DPYD: variants seen among roughly 807,000 people sequenced by gnomAD.
The protein encoded by DPYD is dihydropyrimidine dehydrogenase.
In DPYD, 109 loss-of-function variants were observed where a neutral mutation model predicts 116.2. The observed-to-expected ratio is 0.94, with a 90% CI of 0.80 to 1.10. The LOEUF is 1.10. DPYD is among the 50% of genes least tolerant of loss of function. The pLI is 0.00. For missense variants in DPYD, 1,302 were observed against 1,254.5 expected, an observed-to-expected ratio of 1.04 and a Z score of -0.57; for synonymous variants, 440 against 432.0, an observed-to-expected ratio of 1.02 and a Z score of -0.23.
chr1:97,655,081 A>T (rs925792202), intron 8 of DPYD, among the ~76,000 whole-genome samples: 3 of 152,216 alleles, frequency 2.0e-5, no homozygotes, highest in Non-Finnish European at 4.4e-5. Context: ...CTACAATTCA[A>T]GATGAGGTTT....
chr1:97,264,875 T>C (rs552440108), intron 18 of DPYD, among the ~76,000 whole-genome samples: 1 of 152,172 alleles, frequency 6.6e-6, no homozygotes. Flanking sequence ...AAAACCACTA[T>C]GACTTCGAGA....
rs867597493 is a variant in DPYD, at chr1:97,886,696, T to C, written c.40-3322A>G. Among the ~76,000 whole-genome samples, 7 of 152,032 alleles carry C rather than the reference T, an allele frequency of 4.6e-5. No homozygotes were observed. In the South Asian group the frequency reaches 6.2e-4, roughly 14 times the overall value. ...GGTCCCCCCAAAGGAACTGACTTTATTTGAACCTGTATGCAGGGAAGTTCA... is the reference window on the plus strand; with the variant it reads ...GGTCCCCCCAAAGGAACTGACTTTACTTGAACCTGTATGCAGGGAAGTTCA... On this transcript the variant is annotated intron_variant, in intron 1 of 22. Transcript: ENST00000370192.
At chr1:97,120,220 C>A (rs574801217) in intron 20 of DPYD, among the ~76,000 whole-genome samples, 2 of 152,294 alleles carry the variant, frequency 1.3e-5, no homozygotes, top group South Asian at 4.1e-4. Flanking sequence ...ACTGAAATAG[C>A]CTTGCAGAAC....
In DPYD at chr1:97,386,283, C is replaced by CTT. The variant is rs34553460; in HGVS notation, c.1906-3824_1906-3823dup. Reference sequence around the variant, plus strand: ...CTCAGTGGAACTGGGAAAGTTAAAACTTTTTTTTTTTTCTCCTTGGTCACT... The same window carrying CTT: ...CTCAGTGGAACTGGGAAAGTTAAAACTTTTTTTTTTTTTTCTCCTTGGTCACT... On this transcript the variant is annotated intron_variant, in intron 14 of 22. Transcript: ENST00000370192. Among the ~76,000 whole-genome samples, 898 of 148,266 alleles carry CTT rather than the reference C, an allele frequency of 6.1e-3. 6 individuals are homozygous for CTT. Among genetic ancestry groups the CTT allele is most frequent in the Non-Finnish European group, 5.6e-3 (374 of 66,792 alleles).
chr1:97,301,871 G>C (rs1029819791), intron 18 of DPYD, among the ~76,000 whole-genome samples: 2 of 151,806 alleles, frequency 1.3e-5, no homozygotes, highest in African/African-American at 4.8e-5. Flanking sequence ...TGATTTGGGG[G>C]CTATCTTAAG....
In DPYD at chr1:97,249,680, A is replaced by T. The variant is rs1361040201; in HGVS notation, c.2300-14686T>A. Reference sequence around the variant, plus strand: ...GAAGCCAAAGTCTAGAAAAAAATATATTCACACACATATATTTTAAAACGA... The same window carrying T: ...GAAGCCAAAGTCTAGAAAAAAATATTTTCACACACATATATTTTAAAACGA... On this transcript the variant is annotated intron_variant, in intron 18 of 22. Coordinates refer to ENST00000370192, the MANE Select transcript of DPYD (RefSeq NM_000110.4). 2.6e-5 allele frequency among the ~76,000 whole-genome samples: 4 copies of T among 152,206 alleles called. No homozygotes were observed. In the East Asian group the frequency reaches 7.7e-4, roughly 29 times the overall value.
At chr1:97,727,124 T>C (rs947041588) in intron 4 of DPYD, among the ~76,000 whole-genome samples, 2 of 151,866 alleles carry the variant, frequency 1.3e-5, no homozygotes, top group African/African-American at 4.8e-5. Flanking sequence ...ATATGCTTCC[T>C]GATATCAAGA....
chr1:97,758,968 C>A (rs995158533), intron 3 of DPYD, among the ~76,000 whole-genome samples: 1 of 152,230 alleles, frequency 6.6e-6, no homozygotes, highest in Non-Finnish European at 1.5e-5. Flanking sequence ...GGAAATGAGA[C>A]AATATTTACC....
chr1:97,162,679 C>A (rs1189175827), intron 20 of DPYD, among the ~76,000 whole-genome samples: 2 of 151,910 alleles, frequency 1.3e-5, no homozygotes, highest in African/African-American at 4.8e-5. Flanking sequence ...CCAAGTCAAT[C>A]CTAAGCCAAA....
intron 20 of DPYD, among the ~76,000 whole-genome samples, chr1:97,183,681 T>C (rs1033558026): frequency 3.3e-5 from 5 of 152,124 alleles, no homozygotes; most frequent in Non-Finnish European, 5.9e-5. Flanking sequence ...ATGATGTATA[T>C]ACAGATCAAT....
At chr1:97,504,842 G>A (rs970134904) in intron 13 of DPYD, among the ~76,000 whole-genome samples, 1 of 150,616 alleles carries the variant, frequency 6.6e-6, no homozygotes, top group African/African-American at 2.4e-5. Context: ...TGCAGGGCCT[G>A]GTGGTCACGA....
At chr1:97,261,974 T>C (rs1217207278) in intron 18 of DPYD, among the ~76,000 whole-genome samples, 1 of 152,052 alleles carries the variant, frequency 6.6e-6, no homozygotes, top group Non-Finnish European at 1.5e-5. Context: ...TCCTACTGCC[T>C]GAATTTTTTT....
intron 14 of DPYD, among the ~76,000 whole-genome samples, chr1:97,402,981 A>C (rs1483584531): frequency 1.3e-5 from 2 of 152,042 alleles, no homozygotes; most frequent in Non-Finnish European, 2.9e-5. Flanking sequence ...GTGGTGTATA[A>C]TTCTTTTTAT....
At chr1:97,195,626 A>ATGTATG (rs1174132648) in intron 19 of DPYD, among the ~76,000 whole-genome samples, 1,306 of 84,646 alleles carry the variant, frequency 0.015, 114 homozygotes, top group East Asian at 0.065. Context: ...GTATGTGTAT[A>ATGTATG]TGTATGTGTA....
intron 20 of DPYD, among the ~76,000 whole-genome samples, chr1:97,144,782 A>G (rs1654488660): frequency 6.6e-6 from 1 of 152,198 alleles, no homozygotes; most frequent in South Asian, 2.1e-4. Flanking sequence ...CCATCACTAT[A>G]ATCTGATGCA....
At chr1:97,082,540 C>G in intron 21 of DPYD, 70 bp from the exon 22 acceptor site, 1 of 1,562,058 alleles carries the variant, frequency 6.4e-7, no homozygotes, top group Non-Finnish European at 8.8e-7. Context: ...TAATATCACT[C>G]AGCATTTTCC....
intron 12 of DPYD, among the ~76,000 whole-genome samples, chr1:97,529,720 CTT>C (rs1163796492): frequency 4.2e-5 from 6 of 141,256 alleles, no homozygotes; most frequent in South Asian, 4.5e-4. Context: ...TTCTTCCTTT[CTT>C]TTCTTTCCTT....
intron 20 of DPYD, among the ~76,000 whole-genome samples, chr1:97,111,051 G>A (rs146399734): frequency 2.6e-5 from 4 of 151,818 alleles, no homozygotes; most frequent in South Asian, 2.1e-4. Flanking sequence ...TTCATCCTAC[G>A]TCACTTCTAA....
intron 19 of DPYD, among the ~76,000 whole-genome samples, chr1:97,203,665 C>G (rs1166546988): frequency 2.4e-5 from 1 of 41,096 alleles, no homozygotes; most frequent in Non-Finnish European, 4.7e-5. Context: ...AGTTCAGACC[C>G]CCCCCCCCCA....
Sources: gnomAD v4.1 joint callset for allele counts (sites outside exome capture counted in the v4.1 genomes callset) on GRCh38, gnomAD v4.1.1 for gene constraint, MANE v1.5 for transcripts, NCBI Gene and HGNC (gene_info 2026-07-23, HGNC 2026-07-21) for gene names.